Variants in ADAMTSL1 observed in about 807,000 individuals in gnomAD.
ADAMTSL1 encodes ADAMTS like 1.
In ADAMTSL1, 126 loss-of-function variants were observed where a neutral mutation model predicts 201.8. The ratio of observed to expected loss-of-function variants is 0.62; its 90% CI spans 0.54 to 0.72. The LOEUF (loss-of-function observed/expected upper bound fraction) is 0.72, where lower values mean the gene tolerates loss of function less well. Ranked by LOEUF, ADAMTSL1 falls within the 30% of genes least tolerant of loss-of-function variation. The pLI is 0.00. For synonymous variants in ADAMTSL1, 1,121 were observed against 903.4 expected, an observed-to-expected ratio of 1.24 and a Z score of -4.32; for missense variants, 2,679 against 2,277.8, an observed-to-expected ratio of 1.18 and a Z score of -3.59.
chr9:18,005,279 T>C (rs1285584764), intron 1 of ADAMTSL1, among the ~76,000 whole-genome samples: 1 of 152,030 alleles, frequency 6.6e-6, no homozygotes, highest in Non-Finnish European at 1.5e-5. Flanking sequence ...TTCAAAGGCC[T>C]GCACAGCTCA....
chr9:18,729,367 C>T (rs1392936461), intron 15 of ADAMTSL1, among the ~76,000 whole-genome samples: 1 of 152,142 alleles, frequency 6.6e-6, no homozygotes, highest in Admixed American at 6.5e-5. Context: ...GACAAAGCAC[C>T]TCTATTAGTT....
At chr9:18,315,425 C>CA (rs1445631848) in intron 2 of ADAMTSL1, among the ~76,000 whole-genome samples, 1 of 151,932 alleles carries the variant, frequency 6.6e-6, no homozygotes, top group Non-Finnish European at 1.5e-5. Flanking sequence ...TGTGGGAGCC[C>CA]AAGGGGGAGT....
chr9:18,006,780 A>G (rs1228622791), intron 1 of ADAMTSL1, among the ~76,000 whole-genome samples: 1 of 152,012 alleles, frequency 6.6e-6, no homozygotes, highest in East Asian at 1.9e-4. Context: ...TTAGCTGCAT[A>G]CTTACATTGT....
chr9:18,181,402 A>G (rs1273267280), intron 2 of ADAMTSL1, among the ~76,000 whole-genome samples: 2 of 152,242 alleles, frequency 1.3e-5, no homozygotes, highest in African/African-American at 2.4e-5. Context: ...CCAAGGGGTA[A>G]TATCCAGAAT....
intron 1 of ADAMTSL1, among the ~76,000 whole-genome samples, chr9:18,060,351 G>A (rs146529808): frequency 1.9e-4 from 29 of 152,230 alleles, no homozygotes; most frequent in Middle Eastern, 6.8e-3. Context: ...TATACTGTAG[G>A]CACCTCAGAT....
intron 1 of ADAMTSL1, among the ~76,000 whole-genome samples, chr9:17,977,918 C>A (rs1266139873): frequency 6.6e-6 from 1 of 152,066 alleles, no homozygotes; most frequent in African/African-American, 2.4e-5. Flanking sequence ...ATTAAAATCC[C>A]CTACCATTAT....
intron 1 of ADAMTSL1, among the ~76,000 whole-genome samples, chr9:18,076,729 A>G (rs1048548749): frequency 6.6e-6 from 1 of 151,966 alleles, no homozygotes; most frequent in Non-Finnish European, 1.5e-5. Context: ...GGGAGACAGG[A>G]TTTTGTTGAG....
intron 15 of ADAMTSL1, among the ~76,000 whole-genome samples, chr9:18,724,946 G>T (rs906248990): frequency 6.7e-6 from 1 of 149,838 alleles, no homozygotes; most frequent in Non-Finnish European, 1.5e-5. Flanking sequence ...TCGCTCTGTT[G>T]CCCAGGCTGT....
chr9:17,929,313 A>T (rs986604968), intron 1 of ADAMTSL1, among the ~76,000 whole-genome samples: 5 of 151,726 alleles, frequency 3.3e-5, no homozygotes, highest in African/African-American at 1.2e-4. Context: ...TTTTATCCTA[A>T]TCCACTCCCC....
intron 1 of ADAMTSL1, among the ~76,000 whole-genome samples, chr9:18,126,056 G>A (rs1457254972): frequency 2.0e-5 from 3 of 152,162 alleles, no homozygotes; most frequent in Non-Finnish European, 2.9e-5. Flanking sequence ...CCGTCATGGA[G>A]CTGACACATC....
intron 2 of ADAMTSL1, among the ~76,000 whole-genome samples, chr9:18,271,637 C>T (rs993288025): frequency 6.6e-6 from 1 of 152,150 alleles, no homozygotes; most frequent in Non-Finnish European, 1.5e-5. Context: ...AATAAACATA[C>T]ATGTGCATGT....
chr9:18,667,225 T>C (rs1587843586), intron 9 of ADAMTSL1, among the ~76,000 whole-genome samples: 1 of 151,958 alleles, frequency 6.6e-6, no homozygotes, highest in East Asian at 1.9e-4. Flanking sequence ...TTTTTTTTTT[T>C]TTTTGTCCAG....
intron 1 of ADAMTSL1, among the ~76,000 whole-genome samples, chr9:17,968,180 G>T (rs1031285552): frequency 6.6e-6 from 1 of 152,038 alleles, no homozygotes; most frequent in East Asian, 1.9e-4. Context: ...AGGTTTTCAG[G>T]TTCATGATCT....
chr9:18,372,107 C>T (rs1388704930), intron 2 of ADAMTSL1, among the ~76,000 whole-genome samples: 9 of 152,196 alleles, frequency 5.9e-5, no homozygotes, highest in Non-Finnish European at 1.2e-4. Flanking sequence ...TCCTCAATGA[C>T]TGATTTAGAG....
chr9:18,179,022 A>T lies in ADAMTSL1; in HGVS notation c.207+15041A>T, dbSNP rs558429786. On this transcript the variant is annotated intron_variant, in intron 2 of 29. Coordinates refer to the ADAMTSL1 transcript ENST00000680146. Reference sequence around the variant, plus strand: ...CTCACCAGCAACAGAACAAAGCTGGACGGAGAATGACTTTGACGAGCTGAG... The same window carrying T: ...CTCACCAGCAACAGAACAAAGCTGGTCGGAGAATGACTTTGACGAGCTGAG... Among the ~76,000 whole-genome samples the T allele has an allele frequency of 2.3e-3, 351 of 152,364 alleles. 1 individual carries two copies. The highest frequency in any genetic ancestry group is 7.2e-3 in the African/African-American group (300 of 41,572).
At chr9:17,934,049 G>T (rs1458437192) in intron 1 of ADAMTSL1, among the ~76,000 whole-genome samples, 4 of 152,108 alleles carry the variant, frequency 2.6e-5, no homozygotes, top group African/African-American at 9.7e-5. Context: ...TCACTGCAGT[G>T]GGAATGACTT....
At chr9:17,920,099 C>T (rs769580894) in intron 1 of ADAMTSL1, among the ~76,000 whole-genome samples, 5 of 152,018 alleles carry the variant, frequency 3.3e-5, no homozygotes, top group Non-Finnish European at 7.4e-5. Context: ...TTCATTTTTA[C>T]TTATGTTTTA....
chr9:18,894,203 G>A (rs931707353), intron 26 of ADAMTSL1, among the ~76,000 whole-genome samples: 4 of 152,214 alleles, frequency 2.6e-5, no homozygotes, highest in African/African-American at 7.2e-5. Flanking sequence ...ATTACTGTCT[G>A]GCCAGGCACA....
Position 18,770,413 on chromosome 9 carries a change from G to C in ADAMTSL1, c.2218-189G>C, listed in dbSNP as rs897122250. On this transcript the variant is annotated intron_variant, in intron 16 of 28. Transcript: ENST00000380548. ...AAATACCTGGGATTAAGAGTGGAGAGGGTAGATCTTGCTACAAAATTCATC... is the reference window on the plus strand; with the variant it reads ...AAATACCTGGGATTAAGAGTGGAGACGGTAGATCTTGCTACAAAATTCATC... 4.6e-5 allele frequency among the ~76,000 whole-genome samples: 7 copies of C among 152,272 alleles called. No homozygotes were observed. In the East Asian group the frequency reaches 1.4e-3, roughly 29 times the overall value.
Sources: allele counts gnomAD v4.1 joint callset (sites outside exome capture counted in the v4.1 genomes callset), GRCh38; gene constraint gnomAD v4.1.1; transcripts MANE v1.5; gene names NCBI Gene and HGNC (gene_info 2026-07-23, HGNC 2026-07-21).